Variants in KLHL31 observed in about 807,000 individuals in gnomAD.
The protein encoded by KLHL31 is kelch-like protein 31.
In KLHL31, 32 loss-of-function variants were observed where a neutral mutation model predicts 47.1. The ratio of observed to expected loss-of-function variants is 0.68; its 90% CI spans 0.51 to 0.91. The LOEUF (loss-of-function observed/expected upper bound fraction) is 0.91. Ranked by LOEUF, KLHL31 falls within the 40% of genes least tolerant of loss-of-function variation. The pLI, the probability that KLHL31 is intolerant of heterozygous loss-of-function variation, is 0.00. For missense variants in KLHL31, 797 were observed against 819.3 expected, an observed-to-expected ratio of 0.97 and a Z score of 0.33; for synonymous variants, 330 against 325.1, an observed-to-expected ratio of 1.01 and a Z score of -0.16.
chr6:53,661,713 C>T (rs1255385499), intron 1 of KLHL31, among the ~76,000 whole-genome samples: 3 of 152,162 alleles, frequency 2.0e-5, no homozygotes, highest in Non-Finnish European at 4.4e-5. Context: ...GCAATTCATA[C>T]AGGAACTCTC....
chr6:53,655,016 A>G lies in KLHL31; in HGVS notation c.257T>C (p.Val86Ala), dbSNP rs1195786926. The change falls in exon 2 of 3, where the codon GTT becomes GCT. Residue 86 changes from valine to alanine, a missense_variant. Physicochemically the swap from Val to Ala is moderately conservative, Grantham distance 64. Coordinates refer to ENST00000370905, the MANE Select transcript of KLHL31 (RefSeq NM_001003760.5). ...GCATGAAGCCATGACTGACTTATGA[A>G]CATCAAAGGATTTGGTTTTGGTACC... is the stretch of plus-strand genomic sequence containing the variant. ...VIGTKTKSFD[V>A]HKSVMASCSE... The G allele has an allele frequency of 6.2e-7, 1 of 1,614,212 alleles. No homozygotes were observed. The highest frequency in any genetic ancestry group is 1.7e-5 in the Admixed American group (1 of 60,016).
At chr6:53,660,921 T>C (rs181629186) in intron 1 of KLHL31, among the ~76,000 whole-genome samples, 1 of 152,318 alleles carries the variant, frequency 6.6e-6, no homozygotes, top group African/African-American at 2.4e-5. Context: ...AGAGCTACCA[T>C]GATATCTCAT....
At chr6:53,655,609 C>CTT (rs11358787) in intron 1 of KLHL31, among the ~76,000 whole-genome samples, 2 of 114,258 alleles carry the variant, frequency 1.8e-5, no homozygotes, top group Admixed American at 9.0e-5. Context: ...TTCTTTTTTT[C>CTT]TTTTTTTTTT....
intron 1 of KLHL31, among the ~76,000 whole-genome samples, chr6:53,657,738 G>A (rs183620835): frequency 1.3e-5 from 2 of 151,874 alleles, no homozygotes; most frequent in Non-Finnish European, 2.9e-5. Flanking sequence ...GATGGGTGGT[G>A]TATGTGTTAA....
chr6:53,665,404 T>G (rs963293031), intron 1 of KLHL31, among the ~76,000 whole-genome samples, 197 bp downstream of exon 1: 2 of 152,164 alleles, frequency 1.3e-5, no homozygotes, highest in Non-Finnish European at 2.9e-5. Flanking sequence ...ACGTTACATT[T>G]CTCAGATTTC....
Position 53,651,421 on chromosome 6 carries a change from A to AAAAAATT in KLHL31, c.*176_*177insAATTTTT. ...TGCTAAAAAAAAAAAAAAAAAAAAG[A>AAAAAATT]GGTAGATTATGCCATACCAGGAATT... On this transcript the variant is annotated 3_prime_UTR_variant, in exon 3 of 3. Transcript: ENST00000370905. The AAAAAATT allele has an allele frequency of 8.2e-6, 3 of 364,532 alleles. No individual in the cohort carries two copies. Among genetic ancestry groups the AAAAAATT allele is most frequent in the Non-Finnish European group, 1.5e-5 (3 of 202,106 alleles). 22.6% of individuals were successfully genotyped at this position (364,532 alleles called of 1,614,324 possible).
chr6:53,660,914 G>A (rs1171540553), intron 1 of KLHL31, among the ~76,000 whole-genome samples: 1 of 152,194 alleles, frequency 6.6e-6, no homozygotes, highest in Non-Finnish European at 1.5e-5. Flanking sequence ...TTTCTTTAGA[G>A]CTACCATGAT....
chr6:53,661,452 T>A (rs1408713800), intron 1 of KLHL31, among the ~76,000 whole-genome samples: 2 of 149,436 alleles, frequency 1.3e-5, no homozygotes, highest in African/African-American at 4.9e-5. Context: ...CAACCATGAG[T>A]TTTCCACAAT....
At chr6:53,652,403 G>A in intron 2 of KLHL31, 73 bp from the exon 3 acceptor site, 1 of 1,586,412 alleles carries the variant, frequency 6.3e-7, no homozygotes, top group Non-Finnish European at 8.6e-7. Flanking sequence ...TGCAAATCAT[G>A]AGTGGGAAGC....
rs563154042 is a variant in KLHL31 at position 53,654,815 on chromosome 6, T to G, written c.458A>C (p.His153Pro). The change falls in exon 2 of 3, where the codon CAT (histidine) becomes CCT (proline). Residue 153 changes from histidine (H) to proline (P), a missense_variant. Transcript: ENST00000370905. ...IISAAVYLQI[H>P]TLVKMCSDFL... ...ATCACTGCACATCTTTACAAGAGTATGGATCTGAAGATAAACAGCAGCAGA... is the reference window on the plus strand; with the variant it reads ...ATCACTGCACATCTTTACAAGAGTAGGGATCTGAAGATAAACAGCAGCAGA... 6.2e-7 allele frequency: 1 copy of G among 1,614,098 alleles called. No individual in the cohort carries two copies. The highest frequency in any genetic ancestry group is 1.7e-5 in the Admixed American group (1 of 60,030).
chr6:53,655,649 C>G (rs1421571426), intron 1 of KLHL31, among the ~76,000 whole-genome samples: 1 of 146,194 alleles, frequency 6.8e-6, no homozygotes, highest in Non-Finnish European at 1.5e-5. Context: ...ATCTGTCGCT[C>G]AGGCTGGAGT....
At chr6:53,664,344 G>A (rs940577909) in intron 1 of KLHL31, among the ~76,000 whole-genome samples, 1 of 152,142 alleles carries the variant, frequency 6.6e-6, no homozygotes, top group African/African-American at 2.4e-5. Context: ...TCAGGGCTGG[G>A]TATCAGGTGA....
rs1264097576 is a variant in KLHL31 at position 53,648,247 on chromosome 6, G to A, written c.*3351C>T. 2 of 152,358 alleles carry A rather than the reference G, an allele frequency of 1.3e-5. No homozygotes were observed. Among genetic ancestry groups the A allele is most frequent in the African/African-American group, 4.8e-5 (2 of 41,424 alleles). 9.4% of individuals were successfully genotyped at this position (152,358 alleles called of 1,614,324 possible). A position where few individuals can be genotyped will look rare whatever the true frequency, so the allele number is the denominator to read the frequency against. Reference sequence around the variant, plus strand: ...TTCTGTAGGTTTTTTGGCATGAAAAGAAATACTGAAAAGTATTTCCTTTTA... The same window carrying A: ...TTCTGTAGGTTTTTTGGCATGAAAAAAAATACTGAAAAGTATTTCCTTTTA... On this transcript the variant is annotated 3_prime_UTR_variant, in exon 3 of 3. Coordinates refer to ENST00000370905, the MANE Select transcript of KLHL31 (RefSeq NM_001003760.5).
At position 53,648,769 on chromosome 6, in the gene KLHL31, C is replaced by G. The variant is rs1040948597; in HGVS notation, c.*2829G>C. The G allele has an allele frequency of 6.6e-6, 1 of 152,162 alleles. No individual in the cohort carries two copies. The highest frequency in any genetic ancestry group is 2.4e-5 in the African/African-American group (1 of 41,450). 9.4% of individuals were successfully genotyped at this position (152,162 alleles called of 1,614,324 possible). A position where few individuals can be genotyped will look rare whatever the true frequency, so the allele number is the denominator to read the frequency against. On this transcript the variant is annotated 3_prime_UTR_variant, in exon 3 of 3. Transcript: ENST00000370905. ...GCAACTAATGCATCAGGGATGACAA[C>G]TTGGCACCAAGAACCTAACTAAAAA... is the stretch of plus-strand genomic sequence containing the variant.
intron 1 of KLHL31, among the ~76,000 whole-genome samples, chr6:53,663,776 G>T (rs1764680846): frequency 6.6e-6 from 1 of 152,124 alleles, no homozygotes. Flanking sequence ...TTGTGTGTTG[G>T]AGGGAGAGGA....
chr6:53,663,816 C>A (rs116009148), intron 1 of KLHL31, among the ~76,000 whole-genome samples: 4 of 152,066 alleles, frequency 2.6e-5, no homozygotes, highest in African/African-American at 9.7e-5. Flanking sequence ...AGACTGATGC[C>A]TTTTTGATTA....
intron 1 of KLHL31, 92 bp from the exon 2 acceptor site, chr6:53,655,397 T>C: frequency 1.7e-6 from 1 of 585,370 alleles, no homozygotes; most frequent in East Asian, 2.9e-5. Flanking sequence ...AAGATAATAG[T>C]TTTCATGGCA....
chr6:53,651,826 GC>G lies in KLHL31; in HGVS notation c.1676del (p.Gly559AlafsTer60). The G allele has an allele frequency of 2.5e-6, 4 of 1,610,254 alleles. No homozygotes were observed. Among genetic ancestry groups the G allele is most frequent in the Non-Finnish European group, 3.4e-6 (4 of 1,179,626 alleles). ...APLQVGVSTA[G>X]VSALHGRAYL... is the part of the protein sequence containing the mutation. ...AGGCGCGGCCATGCAGCGCCGAGAC[GC>G]CCGCAGTGCTCACTCCCACCTGCAG... On this transcript the variant is annotated frameshift_variant, in exon 3 of 3. Transcript: ENST00000370905. LOFTEE classifies it high-confidence loss of function.
At chr6:53,655,831 T>C (rs1314922982) in intron 1 of KLHL31, among the ~76,000 whole-genome samples, 2 of 152,120 alleles carry the variant, frequency 1.3e-5, no homozygotes, top group Admixed American at 1.3e-4. Flanking sequence ...GGTCTCGAAC[T>C]CCTGGCCTCA....
Sources: gnomAD v4.1 joint callset for allele counts (sites outside exome capture counted in the v4.1 genomes callset) on GRCh38, gnomAD v4.1.1 for gene constraint, MANE v1.5 for transcripts, NCBI Gene and HGNC (gene_info 2026-07-23, HGNC 2026-07-21) for gene names.